The following SCHIP1 variants were observed in gnomAD, a reference collection of about 807,000 sequenced individuals.
The protein encoded by SCHIP1 is schwannomin-interacting protein 1.
A neutral mutation model predicts 29.7 loss-of-function variants in SCHIP1; 8 were observed. The observed-to-expected ratio is 0.27, with a 90% CI of 0.16 to 0.49. SCHIP1 has a LOEUF of 0.49. Among genes scored for constraint, SCHIP1 ranks in the 20% least tolerant of loss-of-function variants. SCHIP1 has a pLI of 0.99. For synonymous variants in SCHIP1, 76 were observed against 94.9 expected, an observed-to-expected ratio of 0.80 and a Z score of 1.16; for missense variants, 193 against 294.6, an observed-to-expected ratio of 0.66 and a Z score of 2.52.
At chr3:159,578,753 C>T in the SCHIP1 span, among the ~76,000 whole-genome samples, 115 of 144,892 alleles carry the variant, frequency 7.9e-4, no homozygotes, top group African/African-American at 2.9e-3. Context: ...GTCTGTCTGT[C>T]TCTCTCTCTC....
the SCHIP1 span, among the ~76,000 whole-genome samples, chr3:159,545,709 G>A: frequency 1.4e-5 from 2 of 146,110 alleles, no homozygotes; most frequent in South Asian, 4.3e-4. Flanking sequence ...TACATCTTTT[G>A]TACAATATAT....
chr3:159,671,948 C>A, the SCHIP1 span, among the ~76,000 whole-genome samples: 2,826 of 152,184 alleles, frequency 0.019, 53 homozygotes, highest in African/African-American at 0.042. Context: ...ACCAGGAGAG[C>A]ACTTGGTACT....
At chr3:159,287,014 A>G in the SCHIP1 span, among the ~76,000 whole-genome samples, 3 of 152,052 alleles carry the variant, frequency 2.0e-5, no homozygotes, top group Non-Finnish European at 4.4e-5. Context: ...CCCATTCTGT[A>G]GGTTGTCTGT....
At chr3:159,751,647 C>G in the SCHIP1 span, among the ~76,000 whole-genome samples, 1 of 151,666 alleles carries the variant, frequency 6.6e-6, no homozygotes, top group African/African-American at 2.4e-5. Flanking sequence ...CAGGTTCATG[C>G]CATTCTCCTG....
the SCHIP1 span, among the ~76,000 whole-genome samples, chr3:159,476,060 A>C: frequency 1.3e-5 from 2 of 152,314 alleles, no homozygotes; most frequent in South Asian, 4.1e-4. Flanking sequence ...AGCCTCTGAA[A>C]GTTGACAGCT....
chr3:159,402,397 G>C, the SCHIP1 span, among the ~76,000 whole-genome samples: 1 of 152,182 alleles, frequency 6.6e-6, no homozygotes, highest in South Asian at 2.1e-4. Context: ...TCTAGAACTA[G>C]AAATATCATT....
the SCHIP1 span, among the ~76,000 whole-genome samples, chr3:159,400,689 T>A: frequency 1.3e-5 from 2 of 152,230 alleles, no homozygotes; most frequent in Admixed American, 1.3e-4. Flanking sequence ...AGCCTCTGAA[T>A]AATTTGGAGT....
At chr3:159,692,610 A>G in the SCHIP1 span, among the ~76,000 whole-genome samples, 2 of 152,144 alleles carry the variant, frequency 1.3e-5, no homozygotes, top group Non-Finnish European at 2.9e-5. Flanking sequence ...TGGTTATTCT[A>G]GTTAGCAATT....
chr3:159,492,865 C>A, the SCHIP1 span, among the ~76,000 whole-genome samples: 30 of 152,274 alleles, frequency 2.0e-4, no homozygotes, highest in African/African-American at 6.7e-4. Flanking sequence ...GGTCGGGTTA[C>A]CCACAAAGGG....
At chr3:159,383,864 G>A in the SCHIP1 span, among the ~76,000 whole-genome samples, 4 of 151,080 alleles carry the variant, frequency 2.6e-5, no homozygotes, top group African/African-American at 9.7e-5. Context: ...TATTCTCTTT[G>A]AAGCAATTGT....
the SCHIP1 span, among the ~76,000 whole-genome samples, chr3:159,381,798 G>T: frequency 6.6e-6 from 1 of 152,084 alleles, no homozygotes; most frequent in African/African-American, 2.4e-5. Flanking sequence ...GTTTCACCAT[G>T]TTGGCCAGGC....
the SCHIP1 span, among the ~76,000 whole-genome samples, chr3:159,773,575 T>G: frequency 1.2e-4 from 19 of 152,172 alleles, no homozygotes; most frequent in African/African-American, 4.6e-4. Context: ...TAATTTGGAG[T>G]ACAGATCCAG....
chr3:159,424,437 T>C, the SCHIP1 span, among the ~76,000 whole-genome samples: 2 of 152,034 alleles, frequency 1.3e-5, no homozygotes, highest in African/African-American at 4.8e-5. Flanking sequence ...TATCAGTGTA[T>C]CAGTGACGGA....
the SCHIP1 span, among the ~76,000 whole-genome samples, chr3:159,342,993 T>C: frequency 3.9e-5 from 6 of 152,234 alleles, no homozygotes. Flanking sequence ...ACAATTACAA[T>C]GCTCAACTAT....
chr3:159,305,611 G>C, the SCHIP1 span, among the ~76,000 whole-genome samples: 5 of 152,022 alleles, frequency 3.3e-5, no homozygotes, highest in African/African-American at 1.2e-4. Context: ...TTTCAACATG[G>C]AGATACACTT....
the SCHIP1 span, among the ~76,000 whole-genome samples, chr3:159,669,850 G>A: frequency 5.0e-4 from 76 of 152,296 alleles, no homozygotes; most frequent in South Asian, 8.3e-4. Flanking sequence ...CAAGCCCTAG[G>A]AGGAAGCTAT....
At chr3:159,334,385 A>G in the SCHIP1 span, among the ~76,000 whole-genome samples, 1 of 152,180 alleles carries the variant, frequency 6.6e-6, no homozygotes, top group African/African-American at 2.4e-5. Context: ...CTCCCATATC[A>G]GTGCTGGAAA....
At chr3:159,568,410 A>G in the SCHIP1 span, among the ~76,000 whole-genome samples, 1 of 152,100 alleles carries the variant, frequency 6.6e-6, no homozygotes, top group Non-Finnish European at 1.5e-5. Context: ...TGTACTATAA[A>G]AGCTTTTTAT....
the SCHIP1 span, among the ~76,000 whole-genome samples, chr3:159,507,191 T>C: frequency 3.9e-5 from 6 of 152,308 alleles, no homozygotes; most frequent in African/African-American, 4.8e-5. Context: ...ACATCCCTTG[T>C]AAGTTGAATT....
Sources: allele counts gnomAD v4.1 joint callset (sites outside exome capture counted in the v4.1 genomes callset), GRCh38; gene constraint gnomAD v4.1.1; transcripts MANE v1.5; gene names NCBI Gene and HGNC (gene_info 2026-07-23, HGNC 2026-07-21).